Variants in THADA observed in about 807,000 individuals in gnomAD.
THADA encodes tRNA (32-2'-O)-methyltransferase regulator THADA.
In THADA, 213 loss-of-function variants were observed where a neutral mutation model predicts 219.8. The observed-to-expected ratio is 0.97, with a 90% CI of 0.87 to 1.09. The LOEUF (loss-of-function observed/expected upper bound fraction) is 1.09. THADA is among the 50% of genes least tolerant of loss of function. The probability of loss-of-function intolerance (pLI) is 0.00; values close to 1 mark genes in which losing one functional copy is unlikely to be tolerated. For synonymous variants in THADA, 1,018 were observed against 828.9 expected (o/e 1.23, Z -3.92); for missense variants, 2,956 against 2,311.3 (o/e 1.28, Z -5.72).
At chr2:43,514,605 T>A (rs1332632384) in intron 22 of THADA, among the ~76,000 whole-genome samples, 1,576 of 92,570 alleles carry the variant, frequency 0.017, 15 homozygotes, top group African/African-American at 0.028. Flanking sequence ...ATATTTTATA[T>A]ATATTTTATA....
chr2:43,248,594 T>C (rs1258933133), intron 36 of THADA, among the ~76,000 whole-genome samples: 1 of 152,202 alleles, frequency 6.6e-6, no homozygotes, highest in Non-Finnish European at 1.5e-5. Context: ...AAATAATTTC[T>C]TGATGAAATG....
At chr2:43,362,806 C>T (rs1447462401) in intron 29 of THADA, among the ~76,000 whole-genome samples, 1 of 152,266 alleles carries the variant, frequency 6.6e-6, no homozygotes, top group African/African-American at 2.4e-5. Flanking sequence ...ATGCAAACAC[C>T]TGTGCAGCTA....
chr2:43,275,560 C>T (rs1215887571), intron 36 of THADA, among the ~76,000 whole-genome samples: 1 of 152,190 alleles, frequency 6.6e-6, no homozygotes. Context: ...CCTGATCTAG[C>T]CATCCTTAAG....
intron 20 of THADA, among the ~76,000 whole-genome samples, chr2:43,548,698 C>T (rs935839652): frequency 3.3e-5 from 5 of 152,032 alleles, no homozygotes; most frequent in Admixed American, 6.5e-5. Context: ...TCTCCTGGTG[C>T]GCTGTTTTTT....
At chr2:43,418,879 T>G (rs1378574648) in intron 28 of THADA, among the ~76,000 whole-genome samples, 1 of 151,468 alleles carries the variant, frequency 6.6e-6, no homozygotes, top group Non-Finnish European at 1.5e-5. Flanking sequence ...AAAGCAGAAA[T>G]GAGAAGGAAT....
At chr2:43,535,490 C>A (rs1694457102) in intron 21 of THADA, among the ~76,000 whole-genome samples, 1 of 151,088 alleles carries the variant, frequency 6.6e-6, no homozygotes, top group Non-Finnish European at 1.5e-5. Context: ...ACCAGTCTGG[C>A]CAACATGGTG....
intron 28 of THADA, among the ~76,000 whole-genome samples, chr2:43,415,195 AT>A (rs1443355876): frequency 6.6e-6 from 1 of 152,226 alleles, no homozygotes; most frequent in Non-Finnish European, 1.5e-5. Flanking sequence ...TGAGATGTCC[AT>A]TTTAGAAGGG....
chr2:43,545,269 G>A (rs970566124), intron 20 of THADA, among the ~76,000 whole-genome samples: 5 of 151,390 alleles, frequency 3.3e-5, no homozygotes, highest in African/African-American at 7.3e-5. Flanking sequence ...TGCTGGATTC[G>A]GTTTGCCAGT....
At chr2:43,534,256 T>A (rs1383855278) in intron 21 of THADA, among the ~76,000 whole-genome samples, 1 of 152,214 alleles carries the variant, frequency 6.6e-6, no homozygotes, top group Non-Finnish European at 1.5e-5. Context: ...ATACATATAA[T>A]AAATAGTGAT....
chr2:43,402,015 A>G (rs1674908975), intron 28 of THADA, among the ~76,000 whole-genome samples: 2 of 152,150 alleles, frequency 1.3e-5, no homozygotes, highest in African/African-American at 2.4e-5. Context: ...CTCTCTCACA[A>G]GAGGAATATA....
intron 28 of THADA, among the ~76,000 whole-genome samples, chr2:43,417,037 C>CTTTTTTT (rs67993873): frequency 2.4e-3 from 225 of 93,306 alleles, no homozygotes; most frequent in Middle Eastern, 8.9e-3. Context: ...TGGCTGTTTT[C>CTTTTTTT]TTTTTTTTTT....
chr2:43,374,505 G>T (rs1266482736), intron 29 of THADA, among the ~76,000 whole-genome samples: 2 of 152,088 alleles, frequency 1.3e-5, no homozygotes, highest in African/African-American at 2.4e-5. Context: ...TTATTACAAA[G>T]CAAATATACA....
chr2:43,413,063 C>T (rs144827390), intron 28 of THADA, among the ~76,000 whole-genome samples: 7 of 152,172 alleles, frequency 4.6e-5, no homozygotes, highest in Admixed American at 3.9e-4. Flanking sequence ...TTGGGGTTAA[C>T]GATAAAAAAA....
intron 31 of THADA, among the ~76,000 whole-genome samples, chr2:43,297,829 G>A (rs1438900737): frequency 1.1e-5 from 1 of 87,572 alleles, no homozygotes; most frequent in Non-Finnish European, 2.3e-5. Context: ...GGTGGGGGGG[G>A]ATCAGCCCCC....
intron 30 of THADA, among the ~76,000 whole-genome samples, chr2:43,337,762 CACTAAACAA>C (rs1271912317): frequency 2.0e-5 from 3 of 151,988 alleles, no homozygotes; most frequent in African/African-American, 7.3e-5. Flanking sequence ...TCATCTACGA[CACTAAACAA>C]ATGGGAAACA....
chr2:43,586,694 G>C lies in THADA; in HGVS notation c.484+8C>G, dbSNP rs1484542687. On this transcript the variant is annotated splice_region_variant and intron_variant, in intron 6 of 37. Transcript: ENST00000405975. ...ACTCATGGAACAAAATAAAATAATAGGACTTACCATTTTTAAGCAGATTAT... is the reference window on the plus strand; with the variant it reads ...ACTCATGGAACAAAATAAAATAATACGACTTACCATTTTTAAGCAGATTAT... The C allele has an allele frequency of 1.9e-6, 3 of 1,609,552 alleles. No individual in the cohort carries two copies. Among genetic ancestry groups the C allele is most frequent in the Admixed American group, 1.7e-5 (1 of 59,212 alleles).
Position 43,592,315 on chromosome 2 carries a change from A to G in THADA, c.76+2T>C, listed in dbSNP as rs1225874601. 1 of 1,598,940 alleles carries G rather than the reference A, an allele frequency of 6.3e-7. No homozygotes were observed. The highest frequency in any genetic ancestry group is 8.5e-7 in the Non-Finnish European group (1 of 1,173,146). On this transcript the variant is annotated splice_donor_variant, in intron 2 of 37. Coordinates refer to ENST00000405975, the MANE Select transcript of THADA (RefSeq NM_022065.5). LOFTEE classifies it high-confidence loss of function. ...TAATAAGGGAAACCAGAAGTCACCT[A>G]CATTTCAAAGTTTCAAGGTCCTGAT...
chr2:43,312,704 G>C (rs1481677316), intron 31 of THADA, among the ~76,000 whole-genome samples: 9 of 148,858 alleles, frequency 6.0e-5, no homozygotes, highest in Admixed American at 2.7e-4. Context: ...CTAATTTATT[G>C]ACAACAAAGC....
Position 43,574,772 on chromosome 2 carries a change from G to A in THADA, c.1293C>T (p.Phe431=), listed in dbSNP as rs17031074. The A allele has an allele frequency of 5.6e-3, 9,018 of 1,613,976 alleles. 404 individuals are homozygous for A. In the African/African-American group the frequency reaches 0.1, roughly 18 times the overall value. Residue 431 remains phenylalanine (F), a synonymous_variant, in exon 11 of 38, where the codon TTC becomes TTT. Coordinates refer to ENST00000405975, the MANE Select transcript of THADA (RefSeq NM_022065.5). ...MHRLTVEGAD[F]VPDPFFVELT... is the part of the protein sequence containing the mutation. ...ATTCCACAAAGAAAGGATCAGGGAC[G>A]AAATCTGCACCTTCCACAGTGAGCC...
Sources: allele counts gnomAD v4.1 joint callset (sites outside exome capture counted in the v4.1 genomes callset), GRCh38; gene constraint gnomAD v4.1.1; transcripts MANE v1.5; gene names NCBI Gene and HGNC (gene_info 2026-07-23, HGNC 2026-07-21).